The following TRPC6 variants were observed in gnomAD, a reference collection of about 807,000 sequenced individuals.
TRPC6 encodes transient receptor potential cation channel subfamily C member 6, also known as short transient receptor potential channel 6.
Under a neutral mutation model 90.7 loss-of-function variants are expected in TRPC6, and 55 were observed. The observed-to-expected ratio is 0.61, with a 90% CI of 0.49 to 0.76. The LOEUF (loss-of-function observed/expected upper bound fraction) is 0.76. TRPC6 is among the 30% of genes least tolerant of loss of function. The probability of loss-of-function intolerance (pLI) is 0.00; values close to 1 mark genes in which losing one functional copy is unlikely to be tolerated. For missense variants in TRPC6, 989 were observed against 1,122.7 expected (o/e 0.88, Z 1.70); for synonymous variants, 393 against 393.0 (o/e 1.00, Z 0.00).
chr11:101,459,004 C>G (rs1284808405), intron 10 of TRPC6, among the ~76,000 whole-genome samples: 1 of 152,116 alleles, frequency 6.6e-6, no homozygotes, highest in Non-Finnish European at 1.5e-5. Flanking sequence ...ATCTCATTAG[C>G]AATGGGCAAA....
intron 1 of TRPC6, among the ~76,000 whole-genome samples, chr11:101,514,129 T>C (rs1447475944): frequency 6.6e-6 from 1 of 152,204 alleles, no homozygotes; most frequent in Non-Finnish European, 1.5e-5. Context: ...TTATCAACCC[T>C]CACACCCACC....
At chr11:101,556,170 A>G (rs958340480) in intron 1 of TRPC6, among the ~76,000 whole-genome samples, 1 of 152,204 alleles carries the variant, frequency 6.6e-6, no homozygotes, top group African/African-American at 2.4e-5. Flanking sequence ...AAACAGAAAA[A>G]ATAAACTAAG....
chr11:101,521,955 T>G (rs184231061), intron 1 of TRPC6, among the ~76,000 whole-genome samples: 1 of 152,234 alleles, frequency 6.6e-6, no homozygotes, highest in Admixed American at 6.5e-5. Context: ...AGTAACTTTT[T>G]GTTTACTTTA....
intron 1 of TRPC6, among the ~76,000 whole-genome samples, chr11:101,577,072 C>T (rs1862085786): frequency 6.6e-6 from 1 of 152,100 alleles, no homozygotes; most frequent in South Asian, 2.1e-4. Flanking sequence ...GAGACGATTA[C>T]TCCTAATAGA....
At chr11:101,570,766 A>T (rs1861944983) in intron 1 of TRPC6, among the ~76,000 whole-genome samples, 1 of 152,248 alleles carries the variant, frequency 6.6e-6, no homozygotes, top group Non-Finnish European at 1.5e-5. Context: ...AACCAATGAC[A>T]AAAACCATGT....
At chr11:101,515,659 G>T (rs1184259943) in intron 1 of TRPC6, among the ~76,000 whole-genome samples, 3 of 152,106 alleles carry the variant, frequency 2.0e-5, no homozygotes, top group Admixed American at 2.0e-4. Flanking sequence ...TTAAAAATTA[G>T]AATTTCACAG....
intron 2 of TRPC6, among the ~76,000 whole-genome samples, chr11:101,498,859 C>T (rs1430006849): frequency 6.6e-6 from 1 of 151,914 alleles, no homozygotes; most frequent in African/African-American, 2.4e-5. Context: ...AGAGAGAGTC[C>T]CCCTTTAAAC....
intron 1 of TRPC6, among the ~76,000 whole-genome samples, chr11:101,582,335 TCCTC>T (rs1862215777): frequency 6.6e-6 from 1 of 151,908 alleles, no homozygotes; most frequent in Admixed American, 6.6e-5. Flanking sequence ...TGGGGTGGAA[TCCTC>T]CCTCCAACTA....
intron 1 of TRPC6, among the ~76,000 whole-genome samples, chr11:101,534,375 A>T (rs912718695): frequency 6.6e-6 from 1 of 152,146 alleles, no homozygotes; most frequent in Non-Finnish European, 1.5e-5. Context: ...ACCTCAGATG[A>T]TCGACCCACC....
chr11:101,485,867 C>T (rs1859668945), intron 4 of TRPC6, among the ~76,000 whole-genome samples: 2 of 152,054 alleles, frequency 1.3e-5, no homozygotes, highest in Non-Finnish European at 2.9e-5. Flanking sequence ...GTTTCACTGT[C>T]CTGAACAACT....
intron 1 of TRPC6, among the ~76,000 whole-genome samples, chr11:101,545,539 T>C (rs1440558702): frequency 6.6e-6 from 1 of 152,224 alleles, no homozygotes; most frequent in Non-Finnish European, 1.5e-5. Context: ...GCTAGTTTTG[T>C]AATCCATAAA....
rs773525132 is a variant in TRPC6, at chr11:101,477,428, TA to T, written c.1511-895del. Among the ~76,000 whole-genome samples, 36 of 152,230 alleles carry T rather than the reference TA, an allele frequency of 2.4e-4. No individual in the cohort carries two copies. The South Asian group carries it at 2.9e-3, about 12-fold the overall frequency. The stretch of plus-strand genomic sequence containing the variant: ...AAAATCTTTATATTGTAATGCTAAG[TA>T]AAAATGTTTAAAATGTTATGATGTG... On this transcript the variant is annotated intron_variant, in intron 5 of 12. Coordinates refer to ENST00000344327, the MANE Select transcript of TRPC6 (RefSeq NM_004621.6).
Position 101,496,079 on chromosome 11 carries a change from G to GGA in TRPC6, c.946-4343_946-4342dup, listed in dbSNP as rs35713537. Among the ~76,000 whole-genome samples the GGA allele has an allele frequency of 1.4e-3, 216 of 149,840 alleles. 1 individual carries two copies. Among genetic ancestry groups the GGA allele is most frequent in the African/African-American group, 3.5e-3 (142 of 40,690 alleles). On this transcript the variant is annotated intron_variant, in intron 2 of 12. Transcript: ENST00000344327. ...CAAGCACCTTCTCCATGTGGCAGCA[G>GGA]GAGAGAGAGAGAGAGAGAGAGTGAA...
rs191383391 is a variant in TRPC6, at chr11:101,583,513, G to T, written c.-10C>A. On this transcript the variant is annotated 5_prime_UTR_variant, in exon 1 of 13. Transcript: ENST00000344327. ...CCGGGCTCTGGCTCATGGCGGGAAC[G>T]CCCGACTGGCCTGGGCCCCGCTCCC... The T allele has an allele frequency of 0.016, 23,661 of 1,466,182 alleles. 252 individuals carry two copies. The highest frequency in any genetic ancestry group is 0.019 in the Non-Finnish European group (21,595 of 1,111,140). The allele number at this position is 1,466,182 out of a possible 1,614,324, so 90.8% of individuals were successfully genotyped here.
intron 10 of TRPC6, among the ~76,000 whole-genome samples, chr11:101,467,503 C>T (rs1212830376): frequency 6.6e-6 from 1 of 152,218 alleles, no homozygotes; most frequent in East Asian, 1.9e-4. Context: ...TTACTGCCTA[C>T]ATCCTGTGAA....
intron 1 of TRPC6, among the ~76,000 whole-genome samples, chr11:101,517,445 A>G (rs976212533): frequency 3.3e-5 from 5 of 152,208 alleles, no homozygotes; most frequent in East Asian, 3.8e-4. Flanking sequence ...ATGCTAGTAA[A>G]TTTAAATTTG....
chr11:101,564,685 T>G (rs1861791686), intron 1 of TRPC6, among the ~76,000 whole-genome samples: 1 of 151,984 alleles, frequency 6.6e-6, no homozygotes, highest in Non-Finnish European at 1.5e-5. Context: ...ATATCAAAAT[T>G]CCAGTAGCAT....
At chr11:101,577,565 C>T (rs1862096607) in intron 1 of TRPC6, among the ~76,000 whole-genome samples, 2 of 151,954 alleles carry the variant, frequency 1.3e-5, no homozygotes, top group South Asian at 2.1e-4. Context: ...AAGGTTGTGG[C>T]GGGAGGTGGG....
At chr11:101,480,776 G>T (rs1159815758) in intron 5 of TRPC6, among the ~76,000 whole-genome samples, 1 of 151,944 alleles carries the variant, frequency 6.6e-6, no homozygotes, top group Non-Finnish European at 1.5e-5. Context: ...CATATACTAA[G>T]ACATAAAAAA....
Sources: allele counts gnomAD v4.1 joint callset (sites outside exome capture counted in the v4.1 genomes callset), GRCh38; gene constraint gnomAD v4.1.1; transcripts MANE v1.5; gene names NCBI Gene and HGNC (gene_info 2026-07-23, HGNC 2026-07-21).